TCF4: variants seen among roughly 807,000 people sequenced by gnomAD.
The protein encoded by TCF4 is SL3-3 enhancer factor 2.
A neutral mutation model predicts 82.1 loss-of-function variants in TCF4; 3 were observed. That is an observed-to-expected ratio of 0.04 (90% CI 0.02 to 0.09). TCF4 has a LOEUF of 0.09. TCF4 is among the 10% of genes least tolerant of loss of function. TCF4 has a pLI of 1.00. For synonymous variants in TCF4, 276 were observed against 309.6 expected (o/e 0.89, Z 1.14); for missense variants, 518 against 852.7 (o/e 0.61, Z 4.89).
intron 5 of TCF4, among the ~76,000 whole-genome samples, chr18:55,409,431 C>T (rs1208498270): frequency 5.9e-5 from 9 of 152,020 alleles, no homozygotes; most frequent in South Asian, 2.1e-4. Context: ...TGCTCTCTAA[C>T]TCCTATGCTC....
intron 3 of TCF4, among the ~76,000 whole-genome samples, chr18:55,562,229 C>T (rs542983402): frequency 6.6e-6 from 1 of 152,220 alleles, no homozygotes; most frequent in Admixed American, 6.5e-5. Flanking sequence ...GAAAGTTTGC[C>T]GACCCCTGCT....
At chr18:55,298,390 A>C (rs1165350892) in intron 8 of TCF4, among the ~76,000 whole-genome samples, 2 of 152,236 alleles carry the variant, frequency 1.3e-5, no homozygotes, top group Admixed American at 6.5e-5. Context: ...CAAATCAAAT[A>C]TCTCTCCAGC....
At chr18:55,436,181 C>G (rs1292283003) in intron 5 of TCF4, among the ~76,000 whole-genome samples, 2 of 152,094 alleles carry the variant, frequency 1.3e-5, no homozygotes, top group Non-Finnish European at 2.9e-5. Flanking sequence ...ATTCTTGAAC[C>G]ATTAATAGTG....
At chr18:55,482,529 C>T (rs199958117) in intron 3 of TCF4, among the ~76,000 whole-genome samples, 5 of 152,144 alleles carry the variant, frequency 3.3e-5, no homozygotes, top group African/African-American at 2.4e-5. Context: ...TTGGAGACAG[C>T]GCCCCAAGAA....
chr18:55,578,321 A>G (rs1203211065), intron 3 of TCF4, among the ~76,000 whole-genome samples: 1 of 152,100 alleles, frequency 6.6e-6, no homozygotes, highest in African/African-American at 2.4e-5. Context: ...GCCTTAATTA[A>G]AAGCAGCATG....
At chr18:55,560,485 T>A (rs1180932235) in intron 3 of TCF4, among the ~76,000 whole-genome samples, 6 of 152,134 alleles carry the variant, frequency 3.9e-5, no homozygotes, top group African/African-American at 1.4e-4. Flanking sequence ...ATCTTACAAA[T>A]GAGGAAATTC....
chr18:55,370,281 C>G (rs767252562), intron 6 of TCF4, among the ~76,000 whole-genome samples: 1 of 152,078 alleles, frequency 6.6e-6, no homozygotes, highest in African/African-American at 2.4e-5. Context: ...TGGTGCACAC[C>G]TGTGGTCCCA....
intron 18 of TCF4, 120 bp from the exon 19 acceptor site, chr18:55,228,481 A>G (rs1033441799): frequency 1.4e-5 from 20 of 1,388,834 alleles, no homozygotes; most frequent in Middle Eastern, 2.4e-4. Context: ...GAACAAAAGG[A>G]ACAGTTACTA....
At chr18:55,256,669 C>T (rs573044487) in intron 14 of TCF4, among the ~76,000 whole-genome samples, 1 of 152,300 alleles carries the variant, frequency 6.6e-6, no homozygotes, top group South Asian at 2.1e-4. Context: ...CTCTCCCTTA[C>T]TGCTATTCCT....
intron 6 of TCF4, among the ~76,000 whole-genome samples, chr18:55,372,879 A>T (rs1160592490): frequency 2.0e-5 from 3 of 152,320 alleles, no homozygotes; most frequent in East Asian, 1.9e-4. Context: ...CACCAAACAG[A>T]TTTAGACTTT....
At chr18:55,421,314 A>C (rs2094744507) in intron 5 of TCF4, among the ~76,000 whole-genome samples, 1 of 152,246 alleles carries the variant, frequency 6.6e-6, no homozygotes, top group African/African-American at 2.4e-5. Context: ...TTTAACAAGG[A>C]ATGAAACCCA....
rs1242859889 is a variant in TCF4, at chr18:55,232,528, T to C, written c.1630A>G (p.Ile544Val). 6.2e-7 allele frequency: 1 copy of C among 1,614,210 alleles called. No individual in the cohort carries two copies. The highest frequency in any genetic ancestry group is 1.1e-5 in the South Asian group (1 of 91,082). Reference sequence around the variant, plus strand: ...TGTTACCTAGATCTTGACCTAGTAATTGATTTGATATCCTTCTTGTCGTCA... The same window carrying C: ...TGTTACCTAGATCTTGACCTAGTAACTGATTTGATATCCTTCTTGTCGTCA... ...LDDDKKDIKS[I>V]TRSRSSNNDD... Residue 544 changes from isoleucine (I) to valine (V), a missense_variant, in exon 17 of 20, where the codon ATT becomes GTT. By Grantham distance (29) the Ile-to-Val change is conservative. Transcript: ENST00000354452.
intron 5 of TCF4, among the ~76,000 whole-genome samples, chr18:55,458,010 T>A (rs1168859703): frequency 6.6e-6 from 1 of 152,138 alleles, no homozygotes; most frequent in Middle Eastern, 3.2e-3. Flanking sequence ...AGTCCAGTAC[T>A]TTTTTCTTTC....
intron 8 of TCF4, among the ~76,000 whole-genome samples, chr18:55,335,286 T>G (rs937078606): frequency 3.3e-5 from 5 of 152,264 alleles, no homozygotes; most frequent in African/African-American, 1.2e-4. Context: ...TTTGCAGCTT[T>G]CATTTCATTT....
At chr18:55,369,157 T>C (rs895376615) in intron 6 of TCF4, among the ~76,000 whole-genome samples, 19 of 152,202 alleles carry the variant, frequency 1.2e-4, no homozygotes, top group Admixed American at 1.2e-3. Context: ...TTTGTGTGTA[T>C]TGAAACCTTC....
At chr18:55,382,849 G>A (rs1043598570) in intron 6 of TCF4, among the ~76,000 whole-genome samples, 12 of 152,206 alleles carry the variant, frequency 7.9e-5, no homozygotes, top group Non-Finnish European at 1.5e-4. Flanking sequence ...GGCTACCAGG[G>A]CATAGTCTCC....
chr18:55,450,189 T>C (rs566887896), intron 5 of TCF4, among the ~76,000 whole-genome samples: 2 of 152,328 alleles, frequency 1.3e-5, no homozygotes, highest in East Asian at 3.9e-4. Flanking sequence ...AGGTCCACCA[T>C]CCACCACTTC....
intron 8 of TCF4, among the ~76,000 whole-genome samples, chr18:55,304,097 T>C (rs1322066385): frequency 6.6e-6 from 1 of 151,990 alleles, no homozygotes; most frequent in African/African-American, 2.4e-5. Context: ...ATATGAAAAT[T>C]AGAGCAACAA....
chr18:55,482,481 G>A (rs533764278), intron 3 of TCF4, among the ~76,000 whole-genome samples: 51 of 152,246 alleles, frequency 3.3e-4, no homozygotes, highest in African/African-American at 1.0e-3. Context: ...CACACACTGG[G>A]GAAGGAGTAG....
Sources: allele counts gnomAD v4.1 joint callset (sites outside exome capture counted in the v4.1 genomes callset), GRCh38; gene constraint gnomAD v4.1.1; transcripts MANE v1.5; gene names NCBI Gene and HGNC (gene_info 2026-07-23, HGNC 2026-07-21).